The following CPEB1 variants were observed in gnomAD, a reference collection of about 807,000 sequenced individuals.
CPEB1 encodes cytoplasmic polyadenylation element-binding protein 1.
A neutral mutation model predicts 65.8 loss-of-function variants in CPEB1; 7 were observed. The observed-to-expected ratio is 0.11, with a 90% confidence interval of 0.06 to 0.20. The LOEUF (loss-of-function observed/expected upper bound fraction) is 0.20. Ranked by LOEUF, CPEB1 falls within the 10% of genes least tolerant of loss-of-function variation. CPEB1 has a pLI of 1.00. For missense variants in CPEB1, 551 were observed against 712.2 expected, an observed-to-expected ratio of 0.77 and a Z score of 2.58; for synonymous variants, 262 against 260.0, an observed-to-expected ratio of 1.01 and a Z score of -0.08.
chr15:82,623,611 G>A (rs949722787), intron 3 of CPEB1, among the ~76,000 whole-genome samples: 2 of 152,180 alleles, frequency 1.3e-5, no homozygotes, highest in African/African-American at 4.8e-5. Flanking sequence ...GGGAGTTGGA[G>A]GTTGCAGTGA....
At chr15:82,626,253 GTGAAACCCCATCTCT>G (rs2045763207) in intron 3 of CPEB1, among the ~76,000 whole-genome samples, 1 of 151,374 alleles carries the variant, frequency 6.6e-6, no homozygotes, top group South Asian at 2.1e-4. Context: ...GGCCAACATG[GTGAAACCCCATCTCT>G]ACTAAAAATA....
intron 3 of CPEB1, among the ~76,000 whole-genome samples, chr15:82,592,477 T>C (rs527298761): frequency 6.6e-6 from 1 of 151,360 alleles, no homozygotes; most frequent in Non-Finnish European, 1.5e-5. Flanking sequence ...ACCTAGGAGC[T>C]TGAGGTGGAA....
chr15:82,562,672 C>T (rs2038426595), intron 4 of CPEB1, among the ~76,000 whole-genome samples: 1 of 151,624 alleles, frequency 6.6e-6, no homozygotes, highest in African/African-American at 2.4e-5. Context: ...AGGCCTGTCT[C>T]TAAAAAAAAT....
intron 3 of CPEB1, among the ~76,000 whole-genome samples, chr15:82,579,150 C>T (rs904305707): frequency 5.9e-5 from 9 of 152,064 alleles, no homozygotes; most frequent in African/African-American, 1.9e-4. Flanking sequence ...TTTAAAAGAC[C>T]TCAATTTATG....
intron 4 of CPEB1, among the ~76,000 whole-genome samples, chr15:82,563,599 C>T (rs1310561850): frequency 2.0e-5 from 3 of 151,428 alleles, no homozygotes; most frequent in Non-Finnish European, 4.4e-5. Context: ...GCCTCAGCCT[C>T]CCAAAGTACT....
intron 6 of CPEB1, among the ~76,000 whole-genome samples, chr15:82,555,641 T>C (rs1304311471): frequency 6.6e-6 from 1 of 152,164 alleles, no homozygotes; most frequent in Non-Finnish European, 1.5e-5. Flanking sequence ...CTGTGGCACA[T>C]GCATGTGCCA....
chr15:82,549,608 T>C lies in CPEB1; in HGVS notation c.1332A>G (p.Pro444=), dbSNP rs2035887478. The change falls in exon 10 of 13, where the codon CCA becomes CCG. Residue 444 remains proline (P), a synonymous_variant. Transcript: ENST00000684509. ...VLADSNFVRS[P]SQRLDPSRTV... The stretch of plus-strand genomic sequence containing the variant: ...TCCTGCTGGGGTCAAGCCTCTGAGA[T>C]GGGCTCCGGACAAAGTTACTGTCGG... 7 of 1,614,018 alleles carry C rather than the reference T, an allele frequency of 4.3e-6. No homozygotes were observed. Among genetic ancestry groups the C allele is most frequent in the Non-Finnish European group, 5.9e-6 (7 of 1,180,030 alleles).
intron 3 of CPEB1, among the ~76,000 whole-genome samples, chr15:82,621,952 T>C (rs949933248): frequency 6.6e-6 from 1 of 152,208 alleles, no homozygotes; most frequent in Non-Finnish European, 1.5e-5. Flanking sequence ...CTCCAATCAT[T>C]GCCTCCATCC....
chr15:82,584,986 C>T (rs377400609), intron 3 of CPEB1, among the ~76,000 whole-genome samples: 1 of 137,008 alleles, frequency 7.3e-6, no homozygotes, highest in Admixed American at 8.0e-5. Context: ...GTGACAACAT[C>T]CCCTAAATAA....
intron 3 of CPEB1, among the ~76,000 whole-genome samples, chr15:82,623,498 T>C (rs1263607198): frequency 6.6e-6 from 1 of 152,090 alleles, no homozygotes; most frequent in Non-Finnish European, 1.5e-5. Context: ...GCCAATGTGG[T>C]GAAACCCCCA....
At chr15:82,596,180 A>G (rs941611016) in intron 3 of CPEB1, among the ~76,000 whole-genome samples, 1 of 152,192 alleles carries the variant, frequency 6.6e-6, no homozygotes, top group Non-Finnish European at 1.5e-5. Flanking sequence ...TTCAAAACAC[A>G]ATTAGGTCTA....
At chr15:82,565,133 T>C (rs1025036144) in intron 4 of CPEB1, among the ~76,000 whole-genome samples, 1 of 152,152 alleles carries the variant, frequency 6.6e-6, no homozygotes, top group Non-Finnish European at 1.5e-5. Flanking sequence ...GCCAGCTGGT[T>C]TGATATTTCC....
chr15:82,548,657 C>T, intron 10 of CPEB1: 1 of 453,876 alleles, frequency 2.2e-6, no homozygotes, highest in Non-Finnish European at 4.4e-6. Context: ...CTCTCCTAGC[C>T]CTTAGGCACT....
intron 3 of CPEB1, among the ~76,000 whole-genome samples, chr15:82,592,073 C>T (rs2042298221): frequency 6.6e-6 from 1 of 151,674 alleles, no homozygotes; most frequent in African/African-American, 2.4e-5. Context: ...CGAACTCTGG[C>T]TCAATTGATC....
chr15:82,555,190 C>A (rs1175021021), intron 6 of CPEB1, among the ~76,000 whole-genome samples: 2 of 152,142 alleles, frequency 1.3e-5, no homozygotes, highest in Non-Finnish European at 2.9e-5. Flanking sequence ...TTTTTTAAAC[C>A]TTTTAAAATA....
intron 3 of CPEB1, among the ~76,000 whole-genome samples, chr15:82,582,610 C>T (rs1464902071): frequency 6.6e-6 from 1 of 152,152 alleles, no homozygotes; most frequent in Admixed American, 6.5e-5. Flanking sequence ...ACTTTCTAGA[C>T]CCAGGTCTAC....
chr15:82,556,205 C>T, intron 5 of CPEB1, 83 bp from the exon 6 acceptor site: 1 of 1,385,162 alleles, frequency 7.2e-7, no homozygotes, highest in Non-Finnish European at 9.6e-7. Context: ...TTATTAAAAA[C>T]ATCCAATAGA....
chr15:82,640,135 C>G (rs2046988378), intron 1 of CPEB1, among the ~76,000 whole-genome samples: 2 of 152,008 alleles, frequency 1.3e-5, no homozygotes, highest in South Asian at 4.1e-4. Context: ...TCTTGGGGGA[C>G]CAGACATAAC....
intron 3 of CPEB1, among the ~76,000 whole-genome samples, chr15:82,606,817 C>CAAAAAAAAAAAAAAAAAAAA (rs56078202): frequency 1.2e-5 from 1 of 82,980 alleles, no homozygotes; most frequent in African/African-American, 4.8e-5. Flanking sequence ...GACTCCGTCT[C>CAAAAAAAAAAAAAAAAAAAA]AAAAAAAAAA....
Sources: gnomAD v4.1 joint callset for allele counts (sites outside exome capture counted in the v4.1 genomes callset) on GRCh38, gnomAD v4.1.1 for gene constraint, MANE v1.5 for transcripts, NCBI Gene and HGNC (gene_info 2026-07-23, HGNC 2026-07-21) for gene names.